MACROD2: variants seen among roughly 807,000 people sequenced by gnomAD.
MACROD2 encodes the protein mono-ADP ribosylhydrolase 2, also known as ADP-ribose glycohydrolase MACROD2.
In MACROD2, 36 loss-of-function variants were observed where a neutral mutation model predicts 70.4. The observed-to-expected ratio is 0.51, with a 90% CI of 0.39 to 0.68. The LOEUF (loss-of-function observed/expected upper bound fraction) is 0.68. Among genes scored for constraint, MACROD2 ranks in the 30% least tolerant of loss-of-function variants. The pLI, the probability that MACROD2 is intolerant of heterozygous loss-of-function variation, is 0.00. For missense variants in MACROD2, 496 were observed against 538.4 expected (o/e 0.92, Z 0.78); for synonymous variants, 172 against 178.8 (o/e 0.96, Z 0.30).
intron 5 of MACROD2, among the ~76,000 whole-genome samples, chr20:14,940,824 A>G (rs1441952609): frequency 1.3e-5 from 2 of 152,100 alleles, no homozygotes; most frequent in Non-Finnish European, 2.9e-5. Flanking sequence ...TTTTGTATCT[A>G]TGTTAATCAG....
chr20:15,144,508 C>G (rs1005950351), intron 5 of MACROD2, among the ~76,000 whole-genome samples: 1 of 152,136 alleles, frequency 6.6e-6, no homozygotes, highest in Non-Finnish European at 1.5e-5. Flanking sequence ...TCAAACAAAA[C>G]ACAATGACCT....
At chr20:15,350,950 C>CA (rs1284574458) in intron 6 of MACROD2, among the ~76,000 whole-genome samples, 3 of 151,838 alleles carry the variant, frequency 2.0e-5, no homozygotes, top group Admixed American at 2.0e-4. Flanking sequence ...AAAACAAAAA[C>CA]AAAAAAACCT....
chr20:16,031,035 A>G (rs928653854), intron 15 of MACROD2, among the ~76,000 whole-genome samples: 2 of 152,176 alleles, frequency 1.3e-5, no homozygotes, highest in Non-Finnish European at 2.9e-5. Context: ...AACTTTTAGA[A>G]GAATACATAG....
chr20:14,459,006 T>C (rs1453106942), intron 3 of MACROD2, among the ~76,000 whole-genome samples: 1 of 152,064 alleles, frequency 6.6e-6, no homozygotes, highest in African/African-American at 2.4e-5. Flanking sequence ...ACTTTTATAA[T>C]TATTCAGAAA....
In MACROD2 at chr20:16,003,614, C is replaced by T. The variant is rs2066745614; in HGVS notation, c.1153+16456C>T. 2.0e-5 allele frequency among the ~76,000 whole-genome samples: 3 copies of T among 152,138 alleles called. No homozygotes were observed. The South Asian group carries it at 6.2e-4, about 32-fold the overall frequency. On this transcript the variant is annotated intron_variant, in intron 15 of 17. Coordinates refer to ENST00000684519, the MANE Select transcript of MACROD2 (RefSeq NM_001351661.2). ...GAAGCCTTTGTTAAAGCATGGCTTTCAGTGCCCTATCCCTCAAGTTTCTGG... is the reference window on the plus strand; with the variant it reads ...GAAGCCTTTGTTAAAGCATGGCTTTTAGTGCCCTATCCCTCAAGTTTCTGG...
rs138916793 is a variant in MACROD2, at chr20:14,792,374, C to A, written c.418+107415C>A. On this transcript the variant is annotated intron_variant, in intron 5 of 17. Transcript: ENST00000684519. ...ACTTGACCGTAGTAAACATACTCTGCACTCCAGTGTCAGTGCCAGGTTATT... is the reference window on the plus strand; with the variant it reads ...ACTTGACCGTAGTAAACATACTCTGAACTCCAGTGTCAGTGCCAGGTTATT... Among the ~76,000 whole-genome samples, 290 of 152,152 alleles carry A rather than the reference C, an allele frequency of 1.9e-3. 4 individuals carry two copies. The highest frequency in any genetic ancestry group is 6.8e-3 in the African/African-American group (283 of 41,480).
chr20:15,006,986 T>G lies in MACROD2; in HGVS notation c.419-222954T>G, dbSNP rs538341176. The stretch of plus-strand genomic sequence containing the variant: ...CATAAAGTCTAAGGCTTTGCAAAAT[T>G]TTGATAAAAGCCAATTGCTTTAAAA... On this transcript the variant is annotated intron_variant, in intron 5 of 17. Transcript: ENST00000684519. 3.3e-5 allele frequency among the ~76,000 whole-genome samples: 5 copies of G among 152,096 alleles called. No individual in the cohort carries two copies. In the South Asian group the frequency reaches 8.3e-4, roughly 25 times the overall value.
In MACROD2 at chr20:14,553,379, G is replaced by C. The variant is rs6110324; in HGVS notation, c.301+59871G>C. On this transcript the variant is annotated intron_variant, in intron 4 of 17. Coordinates refer to ENST00000684519, the MANE Select transcript of MACROD2 (RefSeq NM_001351661.2). ...GTCTTCTTCTGGAATACCTCCTAAA[G>C]GACCTGCCTGAGGCTGTTTTCTAGT... 1.3e-3 allele frequency among the ~76,000 whole-genome samples: 191 copies of C among 149,440 alleles called. 3 individuals carry two copies. In the East Asian group the frequency reaches 0.023, roughly 18 times the overall value.
chr20:15,799,493 C>T (rs2063704551), intron 8 of MACROD2, among the ~76,000 whole-genome samples: 1 of 152,150 alleles, frequency 6.6e-6, no homozygotes, highest in Non-Finnish European at 1.5e-5. Context: ...TCTATCCCTC[C>T]TCCATAAGAT....
At chr20:14,478,600 C>T (rs982733415) in intron 3 of MACROD2, among the ~76,000 whole-genome samples, 1 of 152,090 alleles carries the variant, frequency 6.6e-6, no homozygotes, top group African/African-American at 2.4e-5. Context: ...AAATTTGTGA[C>T]ATTGTCAGCT....
intron 3 of MACROD2, among the ~76,000 whole-genome samples, chr20:14,119,261 G>A (rs1011766419): frequency 6.3e-5 from 9 of 143,912 alleles, no homozygotes; most frequent in African/African-American, 2.3e-4. Context: ...TCCGCCTCCT[G>A]GGTTCAAGTG....
rs562031440 is a variant in MACROD2 at position 15,462,102 on chromosome 20, A to G, written c.571+30667A>G. 2.0e-5 allele frequency among the ~76,000 whole-genome samples: 3 copies of G among 152,286 alleles called. No individual in the cohort carries two copies. The South Asian group carries it at 6.2e-4, about 32-fold the overall frequency. On this transcript the variant is annotated intron_variant, in intron 7 of 17. Coordinates refer to ENST00000684519, the MANE Select transcript of MACROD2 (RefSeq NM_001351661.2). ...TGCTAGGTGAAAATTATATGTCTGTAAGAGCTACGTGGAATCTAGTTTCCA... is the reference window on the plus strand; with the variant it reads ...TGCTAGGTGAAAATTATATGTCTGTGAGAGCTACGTGGAATCTAGTTTCCA...
Position 14,324,520 on chromosome 20 carries a change from A to G in MACROD2, c.272-168959A>G, listed in dbSNP as rs2082704125. 3.3e-5 allele frequency: 5 copies of G among 152,622 alleles called. No homozygotes were observed. The South Asian group carries it at 1.0e-3, about 32-fold the overall frequency. 9.5% of individuals were successfully genotyped at this position (152,622 alleles called of 1,614,324 possible). A position where few individuals can be genotyped will look rare whatever the true frequency, so the allele number is the denominator to read the frequency against. On this transcript the variant is annotated intron_variant, in intron 3 of 17. Coordinates refer to ENST00000684519, the MANE Select transcript of MACROD2 (RefSeq NM_001351661.2). ...ACCAGATCTAAATTTGATGTCTAGT[A>G]TTTATTTTTCTTTAAATTATCTCTT...
chr20:15,870,385 A>T (rs963892818), intron 9 of MACROD2, among the ~76,000 whole-genome samples: 1 of 152,128 alleles, frequency 6.6e-6, no homozygotes, highest in Non-Finnish European at 1.5e-5. Flanking sequence ...GTAGGTGTTT[A>T]TTAATGTAAA....
chr20:15,169,546 A>G (rs2076408817), intron 5 of MACROD2, among the ~76,000 whole-genome samples: 1 of 152,228 alleles, frequency 6.6e-6, no homozygotes, highest in Non-Finnish European at 1.5e-5. Context: ...AAGAATTAAA[A>G]GAATTAGCAC....
chr20:15,153,442 G>C (rs553983268), intron 5 of MACROD2, among the ~76,000 whole-genome samples: 440 of 152,026 alleles, frequency 2.9e-3, no homozygotes, highest in African/African-American at 9.6e-3. Flanking sequence ...CTGGCCATCT[G>C]GATGTGTATG....
intron 2 of MACROD2, among the ~76,000 whole-genome samples, chr20:14,080,707 T>C (rs1383700530): frequency 6.6e-6 from 1 of 152,092 alleles, no homozygotes; most frequent in African/African-American, 2.4e-5. Flanking sequence ...AGCTTTCCGT[T>C]GTCAACCTAT....
At chr20:15,446,765 C>A (rs1349134641) in intron 7 of MACROD2, among the ~76,000 whole-genome samples, 3 of 152,168 alleles carry the variant, frequency 2.0e-5, no homozygotes, top group African/African-American at 7.2e-5. Flanking sequence ...TAAATTATGG[C>A]CTTTCAATTT....
At chr20:15,523,878 G>C (rs2047684510) in intron 8 of MACROD2, among the ~76,000 whole-genome samples, 2 of 152,114 alleles carry the variant, frequency 1.3e-5, no homozygotes, top group Admixed American at 1.3e-4. Flanking sequence ...TCTCTATCTT[G>C]TGATGTGCCA....
Sources: allele counts gnomAD v4.1 joint callset (sites outside exome capture counted in the v4.1 genomes callset), GRCh38; gene constraint gnomAD v4.1.1; transcripts MANE v1.5; gene names NCBI Gene and HGNC (gene_info 2026-07-23, HGNC 2026-07-21).